ARK2N: variants seen among roughly 807,000 people sequenced by gnomAD.
The protein encoded by ARK2N is arkadia (RNF111) N-terminal like PKA signaling regulator 2N.
chr18:46,197,735 T>C, the ARK2N span, among the ~76,000 whole-genome samples: 1 of 152,142 alleles, frequency 6.6e-6, no homozygotes, highest in Admixed American at 6.5e-5. Context: ...CTGTAGACTC[T>C]CTTTTCAAAA....
chr18:46,242,767 T>A, the ARK2N span, among the ~76,000 whole-genome samples: 15 of 152,240 alleles, frequency 9.9e-5, no homozygotes, highest in African/African-American at 3.6e-4. Context: ...GTTTTGTTGT[T>A]GTTATGTGTG....
At chr18:46,216,578 T>C in the ARK2N span, 2 of 1,613,044 alleles carry the variant, frequency 1.2e-6, no homozygotes, top group Non-Finnish European at 1.7e-6. This position sits in a 1 kb window ranked among gnomAD's most constrained non-coding sequence, Gnocchi z 4.3. Context: ...AGCAAGACAA[T>C]CACTGCAGAG....
chr18:46,212,691 A>G, the ARK2N span, among the ~76,000 whole-genome samples: 1 of 152,200 alleles, frequency 6.6e-6, no homozygotes, highest in East Asian at 1.9e-4. Flanking sequence ...TTAACACTCA[A>G]ATTTAAGGAA....
chr18:46,186,400 C>T, the ARK2N span, among the ~76,000 whole-genome samples: 4 of 151,384 alleles, frequency 2.6e-5, no homozygotes, highest in East Asian at 1.9e-4. Flanking sequence ...TTCACCATGT[C>T]GGCCAGGATG....
At chr18:46,218,531 C>T in the ARK2N span, 1 of 152,062 alleles carries the variant, frequency 6.6e-6, no homozygotes, top group Admixed American at 6.6e-5. Context: ...TCCCATAAGA[C>T]AGGTATGAAT....
At chr18:46,248,440 C>G in the ARK2N span, among the ~76,000 whole-genome samples, 1 of 152,098 alleles carries the variant, frequency 6.6e-6, no homozygotes, top group Non-Finnish European at 1.5e-5. Flanking sequence ...AATGGATGAT[C>G]CCAGGTGCTT....
At chr18:46,196,412 C>T in the ARK2N span, among the ~76,000 whole-genome samples, 1 of 151,950 alleles carries the variant, frequency 6.6e-6, no homozygotes, top group Admixed American at 6.6e-5. Context: ...CAGGCGCCTG[C>T]CACCACGCCC....
the ARK2N span, among the ~76,000 whole-genome samples, chr18:46,222,823 C>A: frequency 6.6e-6 from 1 of 152,172 alleles, no homozygotes; most frequent in Non-Finnish European, 1.5e-5. Context: ...CTATCAACAT[C>A]CTGCACTAGA....
the ARK2N span, chr18:46,264,014 G>C: frequency 6.6e-6 from 1 of 152,262 alleles, no homozygotes; most frequent in Non-Finnish European, 1.5e-5. Context: ...TTGCAAATCC[G>C]AGAGGAAAGT....
chr18:46,249,526 C>T, the ARK2N span, among the ~76,000 whole-genome samples: 1 of 152,216 alleles, frequency 6.6e-6, no homozygotes, highest in Non-Finnish European at 1.5e-5. Flanking sequence ...GCCACCACGC[C>T]CGGCCTTGCA....
At chr18:46,233,626 A>G in the ARK2N span, among the ~76,000 whole-genome samples, 1 of 152,096 alleles carries the variant, frequency 6.6e-6, no homozygotes, top group Non-Finnish European at 1.5e-5. Context: ...ATAATCTTGG[A>G]TCTTTGCTTT....
At chr18:46,228,257 A>T in the ARK2N span, among the ~76,000 whole-genome samples, 2 of 152,290 alleles carry the variant, frequency 1.3e-5, no homozygotes, top group Admixed American at 6.5e-5. Context: ...TTTATTAGAC[A>T]TGGATTTTTA....
the ARK2N span, among the ~76,000 whole-genome samples, chr18:46,175,659 C>T: frequency 1.3e-5 from 2 of 151,968 alleles, no homozygotes; most frequent in African/African-American, 4.8e-5. Context: ...CGCGCCACCA[C>T]GCCCAGCTAA....
At chr18:46,177,431 C>CTTTTTTTTTTTTTTTT in the ARK2N span, among the ~76,000 whole-genome samples, 1 of 89,328 alleles carries the variant, frequency 1.1e-5, no homozygotes, top group Non-Finnish European at 2.3e-5. Context: ...TTTTTCTTTA[C>CTTTTTTTTTTTTTTTT]TTTTTTTTTT....
chr18:46,239,860 G>A, the ARK2N span: 1 of 736,392 alleles, frequency 1.4e-6, no homozygotes, highest in Middle Eastern at 3.0e-4. Context: ...TTCACATTTT[G>A]TACAAAATAT....
At chr18:46,246,719 G>A in the ARK2N span, among the ~76,000 whole-genome samples, 1 of 147,292 alleles carries the variant, frequency 6.8e-6, no homozygotes, top group African/African-American at 2.5e-5. Flanking sequence ...GAGGCGGGTA[G>A]ATTACCTGAG....
chr18:46,250,396 C>T, the ARK2N span, among the ~76,000 whole-genome samples: 1 of 151,894 alleles, frequency 6.6e-6, no homozygotes, highest in Non-Finnish European at 1.5e-5. Flanking sequence ...CACTGTAACT[C>T]TATCCATTTA....
the ARK2N span, among the ~76,000 whole-genome samples, chr18:46,247,126 T>C: frequency 6.6e-6 from 1 of 152,118 alleles, no homozygotes; most frequent in Non-Finnish European, 1.5e-5. Context: ...TCTAGATCCA[T>C]AATGAATGAA....
At chr18:46,258,008 C>T in the ARK2N span, among the ~76,000 whole-genome samples, 1 of 151,744 alleles carries the variant, frequency 6.6e-6, no homozygotes, top group Non-Finnish European at 1.5e-5. Flanking sequence ...CTCACTGCAA[C>T]CTCTGCCTCC....
Sources: gnomAD v4.1 joint callset for allele counts (sites outside exome capture counted in the v4.1 genomes callset) on GRCh38, gnomAD v4.1.1 for gene constraint, Gnocchi (gnomAD v3.1) non-coding constraint, MANE v1.5 for transcripts, NCBI Gene and HGNC (gene_info 2026-07-23, HGNC 2026-07-21) for gene names.